Variants in PRKACB observed in about 807,000 individuals in gnomAD.
PRKACB encodes protein kinase cAMP-activated catalytic subunit beta, also known as cAMP-dependent protein kinase catalytic subunit beta.
In PRKACB, 16 loss-of-function variants were observed where a neutral mutation model predicts 51.4. That is an observed-to-expected ratio of 0.31 (90% confidence interval 0.21 to 0.47). The LOEUF (loss-of-function observed/expected upper bound fraction) is 0.47. Ranked by LOEUF, PRKACB falls within the 20% of genes least tolerant of loss-of-function variation. The probability of loss-of-function intolerance (pLI) is 1.00; values close to 1 mark genes in which losing one functional copy is unlikely to be tolerated. For missense variants in PRKACB, 309 were observed against 464.5 expected (o/e 0.67, Z 3.08); for synonymous variants, 147 against 154.4 (o/e 0.95, Z 0.35).
At chr1:84,148,452 A>G (rs1654412731) in intron 1 of PRKACB, among the ~76,000 whole-genome samples, 1 of 146,332 alleles carries the variant, frequency 6.8e-6, no homozygotes, top group Non-Finnish European at 1.5e-5. Flanking sequence ...TCTGTCTCTC[A>G]TGTTTGATTT....
At chr1:84,154,264 A>G (rs867488460) in intron 1 of PRKACB, among the ~76,000 whole-genome samples, 6 of 152,026 alleles carry the variant, frequency 3.9e-5, no homozygotes, top group African/African-American at 9.7e-5. Context: ...TATATTTTCA[A>G]TATGAACTCC....
chr1:84,183,684 A>G (rs1664256532), intron 3 of PRKACB, among the ~76,000 whole-genome samples: 1 of 151,822 alleles, frequency 6.6e-6, no homozygotes. Context: ...TTAAGTAATT[A>G]TATATTTATT....
At chr1:84,151,302 TA>T (rs967594532) in intron 1 of PRKACB, among the ~76,000 whole-genome samples, 2 of 152,216 alleles carry the variant, frequency 1.3e-5, no homozygotes, top group African/African-American at 4.8e-5. Context: ...ATTTTATTGC[TA>T]AAAAAATACT....
At chr1:84,097,116 CAATT>C (rs2100793669) in intron 1 of PRKACB, among the ~76,000 whole-genome samples, 1 of 152,066 alleles carries the variant, frequency 6.6e-6, no homozygotes, top group Non-Finnish European at 1.5e-5. Context: ...TGTGAATACA[CAATT>C]TATTTTTTCT....
intron 3 of PRKACB, 133 bp from the exon 4 acceptor site, chr1:84,183,904 G>A (rs1013734202): frequency 3.1e-6 from 3 of 962,608 alleles, no homozygotes; most frequent in Non-Finnish European, 2.8e-6. Flanking sequence ...GTTGGTAATT[G>A]TTATTATCTT....
intron 1 of PRKACB, among the ~76,000 whole-genome samples, chr1:84,120,907 G>C (rs1007489285): frequency 1.3e-5 from 2 of 151,974 alleles, no homozygotes; most frequent in South Asian, 4.2e-4. Flanking sequence ...ACCAGGTAAT[G>C]GTCCCTGAGA....
chr1:84,160,285 T>C (rs557254358), intron 1 of PRKACB, among the ~76,000 whole-genome samples: 3 of 151,986 alleles, frequency 2.0e-5, no homozygotes, highest in Non-Finnish European at 2.9e-5. Context: ...GTGTTGGTAA[T>C]TTGTGCCTAA....
intron 1 of PRKACB, among the ~76,000 whole-genome samples, chr1:84,174,569 A>G (rs551997277): frequency 6.6e-6 from 1 of 151,944 alleles, no homozygotes. Flanking sequence ...TGTTGAAAAG[A>G]TTGTTAAACC....
At position 84,187,265 on chromosome 1, in the gene PRKACB, G is replaced by T. The variant is rs540879707; in HGVS notation, c.560+2083G>T. On this transcript the variant is annotated intron_variant, in intron 5 of 9. Transcript: ENST00000370685. ...TAGATGAACTGAAAGAATTTCTTAA[G>T]TCAGGCTTTGTCAATGGCTTTAGCA... Among the ~76,000 whole-genome samples the T allele has an allele frequency of 5.8e-4, 89 of 152,240 alleles. 1 individual carries two copies. The South Asian group carries it at 0.018, about 31-fold the overall frequency.
chr1:84,128,165 C>T (rs759244016), intron 1 of PRKACB, among the ~76,000 whole-genome samples: 29 of 151,542 alleles, frequency 1.9e-4, no homozygotes, highest in Non-Finnish European at 1.6e-4. Context: ...CCCACCACCA[C>T]GCCCAGCTAA....
chr1:84,179,385 A>T, intron 2 of PRKACB, 147 bp downstream of exon 2: 1 of 990,262 alleles, frequency 1.0e-6, no homozygotes, highest in Non-Finnish European at 1.4e-6. Context: ...TGCCATAGTT[A>T]TACTTTGATG....
At chr1:84,153,159 T>C (rs1318075392) in intron 1 of PRKACB, among the ~76,000 whole-genome samples, 2 of 152,030 alleles carry the variant, frequency 1.3e-5, no homozygotes, top group African/African-American at 4.8e-5. Context: ...ACAACCCTTA[T>C]CAATTAAGCT....
rs542787448 is a variant in PRKACB, at chr1:84,097,832, A to G, written c.46+19461A>G. On this transcript the variant is annotated intron_variant, in intron 1 of 8. Transcript: ENST00000370688. ...AAACGTGCGAATTTGCCCTTTCTCCACCTTTTTGTTATATTCAGGCCCTCA... is the reference window on the plus strand; with the variant it reads ...AAACGTGCGAATTTGCCCTTTCTCCGCCTTTTTGTTATATTCAGGCCCTCA... Among the ~76,000 whole-genome samples the G allele has an allele frequency of 1.4e-4, 22 of 152,170 alleles. No homozygotes were observed. In the South Asian group the frequency reaches 4.6e-3, roughly 32 times the overall value.
intron 9 of PRKACB, among the ~76,000 whole-genome samples, chr1:84,227,353 C>T (rs1318796352): frequency 6.6e-6 from 1 of 151,868 alleles, no homozygotes; most frequent in Non-Finnish European, 1.5e-5. Context: ...ATTATCATTG[C>T]TTATATTATC....
chr1:84,221,889 A>G (rs979906195), intron 9 of PRKACB, among the ~76,000 whole-genome samples: 3 of 152,128 alleles, frequency 2.0e-5, no homozygotes, highest in Non-Finnish European at 2.9e-5. Context: ...TATTAGAAGA[A>G]TGTGTATTCT....
At chr1:84,139,401 C>T (rs994277930), upstream of PRKACB, among the ~76,000 whole-genome samples, 1 of 151,964 alleles carries the variant, frequency 6.6e-6, no homozygotes, top group Non-Finnish European at 1.5e-5. Flanking sequence ...GAGGTTTTTG[C>T]CATTGAAAGT....
chr1:84,226,816 T>C (rs1233659574), intron 9 of PRKACB, among the ~76,000 whole-genome samples: 1 of 152,174 alleles, frequency 6.6e-6, no homozygotes, highest in Non-Finnish European at 1.5e-5. Flanking sequence ...AGAATATACT[T>C]TCAGGGATCA....
chr1:84,177,128 G>A (rs1295298433), intron 1 of PRKACB, among the ~76,000 whole-genome samples: 3 of 151,750 alleles, frequency 2.0e-5, no homozygotes, highest in Non-Finnish European at 2.9e-5. Context: ...ACTCATATAG[G>A]CATCTGGAGA....
intron 9 of PRKACB, among the ~76,000 whole-genome samples, chr1:84,231,818 T>G (rs549450979): frequency 6.6e-6 from 1 of 152,158 alleles, no homozygotes; most frequent in Non-Finnish European, 1.5e-5. Context: ...CTCTTTTTTC[T>G]TTATTAGTCT....
Sources: gnomAD v4.1 joint callset for allele counts (sites outside exome capture counted in the v4.1 genomes callset) on GRCh38, gnomAD v4.1.1 for gene constraint, MANE v1.5 for transcripts, NCBI Gene and HGNC (gene_info 2026-07-23, HGNC 2026-07-21) for gene names.